RBMS1: variants seen among roughly 807,000 people sequenced by gnomAD.
The protein encoded by RBMS1 is RNA-binding motif, single-stranded-interacting protein 1.
A neutral mutation model predicts 62.3 loss-of-function variants in RBMS1; 17 were observed. The ratio of observed to expected loss-of-function variants is 0.27; its 90% CI spans 0.19 to 0.41. The LOEUF (loss-of-function observed/expected upper bound fraction) is 0.41. Ranked by LOEUF, RBMS1 falls within the 10% of genes least tolerant of loss-of-function variation. The pLI, the probability that RBMS1 is intolerant of heterozygous loss-of-function variation, is 1.00. For synonymous variants in RBMS1, 172 were observed against 170.0 expected, an observed-to-expected ratio of 1.01 and a Z score of -0.09; for missense variants, 334 against 504.5, an observed-to-expected ratio of 0.66 and a Z score of 3.24.
intron 1 of RBMS1, among the ~76,000 whole-genome samples, chr2:160,423,696 C>T (rs772012310): frequency 2.0e-5 from 3 of 152,164 alleles, no homozygotes; most frequent in Non-Finnish European, 2.9e-5. Context: ...TCAGTAATCA[C>T]CAGTGAACAA....
At chr2:160,306,855 T>G (rs951497654) in intron 4 of RBMS1, among the ~76,000 whole-genome samples, 4 of 152,230 alleles carry the variant, frequency 2.6e-5, no homozygotes, top group Middle Eastern at 3.4e-3. Flanking sequence ...TGAGGATAGT[T>G]TAGTATCTTT....
intron 1 of RBMS1, among the ~76,000 whole-genome samples, chr2:160,399,461 C>A (rs935400406): frequency 6.6e-6 from 1 of 152,148 alleles, no homozygotes; most frequent in Non-Finnish European, 1.5e-5. Flanking sequence ...CCAGTTTCTC[C>A]CCTAATGTGC....
chr2:160,453,425 G>A (rs56317652), intron 1 of RBMS1, among the ~76,000 whole-genome samples: 32,956 of 151,766 alleles, frequency 0.22, 3,908 homozygotes, highest in African/African-American at 0.31. Flanking sequence ...TATTATGATC[G>A]TTCTTTTCTT....
Position 160,393,408 on chromosome 2 carries a change from T to G in RBMS1, c.76-26017A>C, listed in dbSNP as rs556970783. 7.9e-5 allele frequency among the ~76,000 whole-genome samples: 12 copies of G among 152,352 alleles called. No individual in the cohort carries two copies. In the South Asian group the frequency reaches 2.5e-3, roughly 32 times the overall value. On this transcript the variant is annotated intron_variant, in intron 1 of 13. Coordinates refer to ENST00000348849, the MANE Select transcript of RBMS1 (RefSeq NM_016836.4). ...CTAATTTGTTATTGCCCTCAGGGCCTAACACAGTTCTTGGCCCATAATGTA... is the reference window on the plus strand; with the variant it reads ...CTAATTTGTTATTGCCCTCAGGGCCGAACACAGTTCTTGGCCCATAATGTA...
intron 6 of RBMS1, among the ~76,000 whole-genome samples, chr2:160,296,577 T>C (rs1200427901): frequency 1.3e-5 from 2 of 152,206 alleles, no homozygotes; most frequent in South Asian, 2.1e-4. Flanking sequence ...GAGAAACTGC[T>C]CTCTTCCATG....
intron 1 of RBMS1, among the ~76,000 whole-genome samples, chr2:160,393,723 G>A (rs1255168236): frequency 2.0e-5 from 3 of 150,664 alleles, no homozygotes; most frequent in Non-Finnish European, 4.4e-5. Context: ...GCTGTGATGA[G>A]CTGAGATCAC....
At chr2:160,328,710 G>A (rs1395058729) in intron 2 of RBMS1, among the ~76,000 whole-genome samples, 1 of 152,116 alleles carries the variant, frequency 6.6e-6, no homozygotes, top group Non-Finnish European at 1.5e-5. Context: ...GGGTGGGGCG[G>A]AACGTGTGCA....
Position 160,318,229 on chromosome 2 carries a change from T to TAAAAAAAAAAAAAAAAAAAAAAACAA in RBMS1, c.252-3_252-2insTTGTTTTTTTTTTTTTTTTTTTTTTT. ...TTTGTGGAGACTATTTTCCCATATCTAAAAAAAAAAAAAAAAAAAAAAAGG... is the reference window on the plus strand; with the variant it reads ...TTTGTGGAGACTATTTTCCCATATCTAAAAAAAAAAAAAAAAAAAAAAACAAAAAAAAAAAAAAAAAAAAAAAAAGG... On this transcript the variant is annotated splice_polypyrimidine_tract_variant and splice_region_variant and intron_variant, in intron 2 of 13. Transcript: ENST00000348849. 1 of 1,163,254 alleles carries TAAAAAAAAAAAAAAAAAAAAAAACAA rather than the reference T, an allele frequency of 8.6e-7. No homozygotes were observed. The highest frequency in any genetic ancestry group is 1.1e-6 in the Non-Finnish European group (1 of 929,826). 72.1% of individuals were successfully genotyped at this position (1,163,254 alleles called of 1,614,324 possible).
At chr2:160,408,593 AAC>A (rs1451133524) in intron 1 of RBMS1, 1 of 152,226 alleles carries the variant, frequency 6.6e-6, no homozygotes, top group Non-Finnish European at 1.5e-5. Context: ...TAAAACCTGG[AAC>A]AGTGTAATCC....
intron 1 of RBMS1, among the ~76,000 whole-genome samples, chr2:160,415,682 A>T (rs1369457677): frequency 6.6e-6 from 1 of 152,204 alleles, no homozygotes; most frequent in African/African-American, 2.4e-5. Context: ...TTTCCTAATT[A>T]TCTGTAGGGA....
intron 1 of RBMS1, among the ~76,000 whole-genome samples, chr2:160,414,110 C>T (rs1238472271): frequency 6.6e-6 from 1 of 152,138 alleles, no homozygotes; most frequent in East Asian, 1.9e-4. Flanking sequence ...TCTAGAAGCC[C>T]CCATTTGCTC....
chr2:160,334,160 G>GACACAAC (rs1361814957), intron 2 of RBMS1, among the ~76,000 whole-genome samples: 1 of 152,118 alleles, frequency 6.6e-6, no homozygotes, highest in Admixed American at 6.6e-5. Context: ...CCATTTAGCT[G>GACACAAC]ACACAACATT....
intron 1 of RBMS1, among the ~76,000 whole-genome samples, chr2:160,446,556 C>T (rs978965553): frequency 1.3e-5 from 2 of 152,180 alleles, no homozygotes; most frequent in Non-Finnish European, 2.9e-5. Flanking sequence ...TTTTCTCATG[C>T]TCTGTTCACA....
chr2:160,275,810 A>G (rs1687807292), intron 12 of RBMS1, 96 bp from the exon 13 acceptor site: 3 of 1,539,530 alleles, frequency 1.9e-6, no homozygotes, highest in Non-Finnish European at 2.7e-6. Context: ...CCTTAAAAAC[A>G]GTTACTCTTT....
rs545399434 is a variant in RBMS1 at position 160,370,289 on chromosome 2, T to A, written c.76-2898A>T. On this transcript the variant is annotated intron_variant, in intron 1 of 13. Transcript: ENST00000348849. ...CGTTGAATTATTCTAGGTTGTCAAT[T>A]TTTAATTTTCTGGTGCAGAAATTTT... Among the ~76,000 whole-genome samples, 14 of 152,340 alleles carry A rather than the reference T, an allele frequency of 9.2e-5. No individual in the cohort carries two copies. The East Asian group carries it at 2.5e-3, about 27-fold the overall frequency.
intron 11 of RBMS1, chr2:160,278,310 G>A (rs184265420): frequency 2.9e-4 from 157 of 541,812 alleles, no homozygotes; most frequent in African/African-American, 2.6e-3. Flanking sequence ...GGCTAGATGT[G>A]GTCACGTGTG....
intron 6 of RBMS1, among the ~76,000 whole-genome samples, chr2:160,296,523 C>T (rs527427655): frequency 6.6e-5 from 10 of 152,304 alleles, no homozygotes; most frequent in African/African-American, 2.4e-4. Context: ...AGTGGAGCTA[C>T]GGCGGAATAA....
At chr2:160,282,289 T>TGCCACCTAAGGCACCTTA in intron 9 of RBMS1, 1 of 1,367,942 alleles carries the variant, frequency 7.3e-7, no homozygotes, top group East Asian at 4.5e-5. Context: ...TTGTTTTCTC[T>TGCCACCTAAGGCACCTTA]GGTTTCCTTT....
Position 160,493,279 on chromosome 2 carries a change from G to A in RBMS1, c.75+10C>T. 6.2e-7 allele frequency: 1 copy of A among 1,612,090 alleles called. No homozygotes were observed. The highest frequency in any genetic ancestry group is 8.5e-7 in the Non-Finnish European group (1 of 1,178,470). ...CCTCCGGCCGTCACCTCTCCCCGGCGCCCCTTTACCTTGGCTTGCAGATAC... is the reference window on the plus strand; with the variant it reads ...CCTCCGGCCGTCACCTCTCCCCGGCACCCCTTTACCTTGGCTTGCAGATAC... On this transcript the variant is annotated intron_variant, in intron 1 of 13. Coordinates refer to ENST00000348849, the MANE Select transcript of RBMS1 (RefSeq NM_016836.4).
Sources: gnomAD v4.1 joint callset for allele counts (sites outside exome capture counted in the v4.1 genomes callset) on GRCh38, gnomAD v4.1.1 for gene constraint, MANE v1.5 for transcripts, NCBI Gene and HGNC (gene_info 2026-07-23, HGNC 2026-07-21) for gene names.